The following COL26A1 variants were observed in gnomAD, a reference collection of about 807,000 sequenced individuals.
The protein encoded by COL26A1 is collagen type XXVI alpha 1 chain.
In COL26A1, 41 loss-of-function variants were observed where a neutral mutation model predicts 59.3. That is an observed-to-expected ratio of 0.69 (90% CI 0.54 to 0.90). The LOEUF is 0.90. Among genes scored for constraint, COL26A1 ranks in the 40% least tolerant of loss-of-function variants. The pLI, the probability that COL26A1 is intolerant of heterozygous loss-of-function variation, is 0.00. For synonymous variants in COL26A1, 266 were observed against 256.0 expected (o/e 1.04, Z -0.37); for missense variants, 612 against 602.3 (o/e 1.02, Z -0.17).
At chr7:101,499,524 A>G (rs1794656440) in intron 3 of COL26A1, among the ~76,000 whole-genome samples, 1 of 152,100 alleles carries the variant, frequency 6.6e-6, no homozygotes, top group South Asian at 2.1e-4. Flanking sequence ...TCTCTACTAA[A>G]AATACAAAAA....
At chr7:101,466,676 C>T (rs892276337) in intron 3 of COL26A1, among the ~76,000 whole-genome samples, 4 of 151,972 alleles carry the variant, frequency 2.6e-5, no homozygotes, top group Non-Finnish European at 4.4e-5. Context: ...GGTGACACAG[C>T]GAGACCCTGT....
intron 2 of COL26A1, among the ~76,000 whole-genome samples, chr7:101,421,806 AC>A (rs1386878678): frequency 3.3e-5 from 5 of 152,122 alleles, no homozygotes; most frequent in Admixed American, 3.3e-4. Flanking sequence ...TTAAACCTAT[AC>A]GAACATCCTG....
At chr7:101,460,717 G>C (rs1211299809) in intron 3 of COL26A1, among the ~76,000 whole-genome samples, 1 of 151,854 alleles carries the variant, frequency 6.6e-6, no homozygotes, top group South Asian at 2.1e-4. Flanking sequence ...GGAGGCGGAG[G>C]TTCCAATAAG....
At chr7:101,461,606 C>T (rs1793614806) in intron 3 of COL26A1, among the ~76,000 whole-genome samples, 1 of 152,120 alleles carries the variant, frequency 6.6e-6, no homozygotes. Flanking sequence ...CCACCTCCTT[C>T]TTCTAATTAT....
At chr7:101,513,381 C>T (rs1469325007) in intron 3 of COL26A1, among the ~76,000 whole-genome samples, 5 of 152,038 alleles carry the variant, frequency 3.3e-5, no homozygotes, top group Admixed American at 6.6e-5. Context: ...CCACTGAGTG[C>T]AGCAGCGTGA....
chr7:101,387,770 A>ATTTTTTTTTTTTTTTTT (rs1304839639), intron 1 of COL26A1, among the ~76,000 whole-genome samples: 19 of 36,542 alleles, frequency 5.2e-4, no homozygotes, highest in South Asian at 1.3e-3. Context: ...ATATATATAT[A>ATTTTTTTTTTTTTTTTT]TATATATATT....
chr7:101,445,363 T>C (rs745619942), intron 2 of COL26A1, among the ~76,000 whole-genome samples: 1 of 151,984 alleles, frequency 6.6e-6, no homozygotes, highest in Non-Finnish European at 1.5e-5. Flanking sequence ...TTTACAAGCA[T>C]GGTGCCGGCA....
At chr7:101,393,918 TA>T (rs1791792592) in intron 1 of COL26A1, among the ~76,000 whole-genome samples, 1 of 151,972 alleles carries the variant, frequency 6.6e-6, no homozygotes, top group Non-Finnish European at 1.5e-5. Context: ...GGCTAATTTT[TA>T]AAAATATTTT....
intron 3 of COL26A1, among the ~76,000 whole-genome samples, chr7:101,504,362 A>G (rs569552073): frequency 6.6e-6 from 1 of 152,168 alleles, no homozygotes; most frequent in African/African-American, 2.4e-5. Context: ...CGGCCTCCCA[A>G]ACTGCTGGGA....
chr7:101,418,809 G>T (rs1459168429), intron 1 of COL26A1, among the ~76,000 whole-genome samples: 1 of 152,016 alleles, frequency 6.6e-6, no homozygotes, highest in East Asian at 1.9e-4. Flanking sequence ...GGAGGTGGGA[G>T]CACCTTAACC....
chr7:101,420,333 G>A (rs1792482716), intron 2 of COL26A1, among the ~76,000 whole-genome samples: 1 of 146,368 alleles, frequency 6.8e-6, no homozygotes, highest in Admixed American at 6.8e-5. Flanking sequence ...CAACCCAGTG[G>A]GTGTTTGACA....
chr7:101,467,427 C>G lies in COL26A1; in HGVS notation c.385+19640C>G, dbSNP rs116791371. ...GGCAGAGTCTGATTTACACAGCGCC[C>G]GAGAGATTGGTCAGACCAGGTGTGA... On this transcript the variant is annotated intron_variant, in intron 3 of 12. Transcript: ENST00000313669. Among the ~76,000 whole-genome samples the G allele has an allele frequency of 2.5e-3, 375 of 149,576 alleles. 5 individuals carry two copies. The highest frequency in any genetic ancestry group is 8.6e-3 in the African/African-American group (354 of 41,256).
chr7:101,526,465 G>A (rs1795250544), intron 3 of COL26A1, among the ~76,000 whole-genome samples: 1 of 152,188 alleles, frequency 6.6e-6, no homozygotes, highest in Non-Finnish European at 1.5e-5. Flanking sequence ...CTCTCACAGA[G>A]GGAGCTGGGC....
intron 2 of COL26A1, among the ~76,000 whole-genome samples, chr7:101,421,054 C>A (rs886235723): frequency 6.6e-6 from 1 of 152,146 alleles, no homozygotes; most frequent in Non-Finnish European, 1.5e-5. Flanking sequence ...TTTGTGCCCT[C>A]CCTAACGGGA....
intron 3 of COL26A1, among the ~76,000 whole-genome samples, chr7:101,522,014 T>C (rs1192878531): frequency 2.0e-5 from 3 of 152,218 alleles, no homozygotes; most frequent in Non-Finnish European, 4.4e-5. Flanking sequence ...CAGTTGGCCA[T>C]TAATAGGAAT....
chr7:101,531,945 C>T (rs757318972), intron 3 of COL26A1, among the ~76,000 whole-genome samples: 9 of 152,090 alleles, frequency 5.9e-5, no homozygotes, highest in East Asian at 1.9e-4. Flanking sequence ...AGCCCCAGCA[C>T]GCAGAGTGGG....
intron 1 of COL26A1, among the ~76,000 whole-genome samples, chr7:101,381,808 T>A (rs548441310): frequency 2.6e-5 from 4 of 151,992 alleles, no homozygotes; most frequent in Admixed American, 2.0e-4. Flanking sequence ...TTTTCTCAGG[T>A]TTCAGGGATT....
intron 3 of COL26A1, among the ~76,000 whole-genome samples, chr7:101,495,335 A>G (rs1011069373): frequency 3.3e-5 from 5 of 151,962 alleles, no homozygotes; most frequent in African/African-American, 1.2e-4. Context: ...CGAGCAATTC[A>G]AGCTTCCAGG....
Position 101,368,962 on chromosome 7 carries a change from A to C in COL26A1, c.158+5772A>C, listed in dbSNP as rs150827611. 4.9e-3 allele frequency among the ~76,000 whole-genome samples: 573 copies of C among 118,126 alleles called. 7 individuals carry two copies. The highest frequency in any genetic ancestry group is 0.019 in the African/African-American group (529 of 27,700). The allele number at this position is 118,126 out of a possible 152,430, so 77.5% of individuals were successfully genotyped here. On this transcript the variant is annotated intron_variant, in intron 1 of 12. Coordinates refer to ENST00000313669, the MANE Select transcript of COL26A1 (RefSeq NM_001278563.3). Reference sequence around the variant, plus strand: ...GCAAATGTAAGCAATTTGTGTGTGTATGTGTGTGTGTGAGCGTAACAGTGT... The same window carrying C: ...GCAAATGTAAGCAATTTGTGTGTGTCTGTGTGTGTGTGAGCGTAACAGTGT...
Sources: allele counts gnomAD v4.1 joint callset (sites outside exome capture counted in the v4.1 genomes callset), GRCh38; gene constraint gnomAD v4.1.1; transcripts MANE v1.5; gene names NCBI Gene and HGNC (gene_info 2026-07-23, HGNC 2026-07-21).